GRHL2: variants seen among roughly 807,000 people sequenced by gnomAD.
GRHL2 encodes the protein grainyhead-like protein 2 homolog.
Under a neutral mutation model 83.8 loss-of-function variants are expected in GRHL2, and 21 were observed. That is an observed-to-expected ratio of 0.25 (90% CI 0.18 to 0.36). GRHL2 has a LOEUF of 0.36. Among genes scored for constraint, GRHL2 ranks in the 10% least tolerant of loss-of-function variants. The pLI is 1.00. For missense variants in GRHL2, 623 were observed against 781.8 expected, an observed-to-expected ratio of 0.80 and a Z score of 2.42; for synonymous variants, 280 against 278.9, an observed-to-expected ratio of 1.00 and a Z score of -0.04.
At chr8:101,564,128 A>G (rs1436413909) in intron 4 of GRHL2, among the ~76,000 whole-genome samples, 2 of 152,228 alleles carry the variant, frequency 1.3e-5, no homozygotes. Context: ...TATAAAGACT[A>G]TTCCCACTGA....
At chr8:101,494,477 G>T (rs1192371548) in intron 1 of GRHL2, among the ~76,000 whole-genome samples, 1 of 152,088 alleles carries the variant, frequency 6.6e-6, no homozygotes, top group Admixed American at 6.6e-5. Flanking sequence ...AGAGTGTGTG[G>T]TTGTCTGAGA....
At chr8:101,673,416 A>G (rs1814240754), downstream of GRHL2, among the ~76,000 whole-genome samples, 1 of 151,928 alleles carries the variant, frequency 6.6e-6, no homozygotes, top group South Asian at 2.1e-4. Context: ...TCTCTGATAA[A>G]ACAGACTTTA....
intron 2 of GRHL2, 73 bp from the exon 3 acceptor site, chr8:101,552,642 G>A: frequency 7.1e-7 from 1 of 1,405,068 alleles, no homozygotes; most frequent in Non-Finnish European, 1.0e-6. Flanking sequence ...CTTTGCTTAT[G>A]CCGGTGTCCA....
downstream of GRHL2, among the ~76,000 whole-genome samples, chr8:101,673,653 CAG>C (rs758368928): frequency 1.1e-4 from 17 of 152,002 alleles, no homozygotes; most frequent in Non-Finnish European, 2.5e-4. Flanking sequence ...ATCAACAAGA[CAG>C]AAAGTTAACA....
intron 1 of GRHL2, among the ~76,000 whole-genome samples, chr8:101,532,358 A>G (rs1471863167): frequency 6.6e-6 from 1 of 152,154 alleles, no homozygotes; most frequent in Non-Finnish European, 1.5e-5. Context: ...TGCTAGGGAG[A>G]TGAAGTGATT....
chr8:101,657,031 G>A (rs1186608256), intron 14 of GRHL2, among the ~76,000 whole-genome samples: 2 of 152,170 alleles, frequency 1.3e-5, no homozygotes, highest in African/African-American at 4.8e-5. Flanking sequence ...AAAGAAAAAG[G>A]TCGCTCATGG....
At chr8:101,671,064 C>A (rs189472850), downstream of GRHL2, among the ~76,000 whole-genome samples, 1 of 152,190 alleles carries the variant, frequency 6.6e-6, no homozygotes, top group Non-Finnish European at 1.5e-5. Flanking sequence ...TACATAGGAA[C>A]AGCTCCGGTC....
the GRHL2 span, among the ~76,000 whole-genome samples, chr8:101,675,238 C>T: frequency 2.0e-5 from 3 of 152,068 alleles, no homozygotes; most frequent in Non-Finnish European, 2.9e-5. Flanking sequence ...GAAATGAAGG[C>T]TATTCAATTA....
intron 1 of GRHL2, among the ~76,000 whole-genome samples, chr8:101,501,423 G>A (rs1264377493): frequency 6.6e-6 from 1 of 152,216 alleles, no homozygotes; most frequent in Non-Finnish European, 1.5e-5. Flanking sequence ...GAGAGCCAGA[G>A]TCCCTTCTTT....
At chr8:101,493,405 T>TC (rs1203450359) in intron 1 of GRHL2, among the ~76,000 whole-genome samples, 1 of 151,382 alleles carries the variant, frequency 6.6e-6, no homozygotes, top group Non-Finnish European at 1.5e-5. Context: ...CGTCCCCCAC[T>TC]CCCTCGACAT....
intron 8 of GRHL2, among the ~76,000 whole-genome samples, chr8:101,617,912 G>A: frequency 6.6e-6 from 1 of 152,192 alleles, no homozygotes; most frequent in Non-Finnish European, 1.5e-5. Flanking sequence ...GCTTAAAGGT[G>A]AATGGAAAAC....
chr8:101,670,048 C>T (rs558436532), downstream of GRHL2, among the ~76,000 whole-genome samples: 10 of 152,320 alleles, frequency 6.6e-5, no homozygotes, highest in Middle Eastern at 3.4e-3. Flanking sequence ...CCCACTCGCC[C>T]GCCCTTGAAT....
intron 1 of GRHL2, among the ~76,000 whole-genome samples, chr8:101,530,191 G>A (rs553455702): frequency 1.3e-5 from 2 of 152,294 alleles, no homozygotes; most frequent in East Asian, 3.9e-4. Context: ...AAGGTGGGGT[G>A]CAGCCTTCTC....
chr8:101,649,324 A>C, intron 13 of GRHL2, 90 bp from the exon 14 acceptor site: 1 of 1,031,654 alleles, frequency 9.7e-7, no homozygotes, highest in East Asian at 2.4e-5. Context: ...GCCACTCTCC[A>C]ACACCTGTGT....
At chr8:101,541,026 ATTTG>A (rs1182347792) in intron 1 of GRHL2, among the ~76,000 whole-genome samples, 1 of 151,940 alleles carries the variant, frequency 6.6e-6, no homozygotes, top group Non-Finnish European at 1.5e-5. Flanking sequence ...AACATGTAGT[ATTTG>A]TTTTTTGTTG....
At chr8:101,547,571 C>T (rs184303221) in intron 2 of GRHL2, among the ~76,000 whole-genome samples, 1 of 152,320 alleles carries the variant, frequency 6.6e-6, no homozygotes, top group Admixed American at 6.5e-5. Flanking sequence ...TGATAACTGT[C>T]ACCACAGATC....
chr8:101,506,312 A>C (rs924332047), intron 1 of GRHL2, among the ~76,000 whole-genome samples: 1 of 152,242 alleles, frequency 6.6e-6, no homozygotes, highest in African/African-American at 2.4e-5. Flanking sequence ...AAAAATTGGA[A>C]AATAGAAACA....
At chr8:101,522,318 CAA>C (rs1810702064) in intron 1 of GRHL2, among the ~76,000 whole-genome samples, 1 of 151,684 alleles carries the variant, frequency 6.6e-6, no homozygotes, top group African/African-American at 2.4e-5. Context: ...CAAATGAAAA[CAA>C]TATAACAACT....
At chr8:101,644,038 A>G in intron 12 of GRHL2, 93 bp from the exon 13 acceptor site, 1 of 1,118,884 alleles carries the variant, frequency 8.9e-7, no homozygotes, top group South Asian at 1.3e-5. Context: ...GGGACGGTAT[A>G]AGCAAAGGGA....
Sources: gnomAD v4.1 joint callset for allele counts (sites outside exome capture counted in the v4.1 genomes callset) on GRCh38, gnomAD v4.1.1 for gene constraint, MANE v1.5 for transcripts, NCBI Gene and HGNC (gene_info 2026-07-23, HGNC 2026-07-21) for gene names.